The following UPP2 variants were observed in gnomAD, a reference collection of about 807,000 sequenced individuals.
The protein encoded by UPP2 is UPase 2.
A neutral mutation model predicts 26.7 loss-of-function variants in UPP2; 23 were observed. That is an observed-to-expected ratio of 0.86 (90% CI 0.62 to 1.22). UPP2 has a LOEUF of 1.22. UPP2 is among the 50% of genes most tolerant of loss of function. UPP2 has a pLI of 0.00. For missense variants in UPP2, 387 were observed against 396.7 expected, an observed-to-expected ratio of 0.98 and a Z score of 0.21; for synonymous variants, 127 against 141.3, an observed-to-expected ratio of 0.90 and a Z score of 0.72.
At chr2:158,080,934 GTATTT>G (rs1477540002) in intron 3 of UPP2, among the ~76,000 whole-genome samples, 1 of 152,078 alleles carries the variant, frequency 6.6e-6, no homozygotes, top group Admixed American at 6.6e-5. Context: ...CCACGTTGCA[GTATTT>G]TAAAAGTATT....
rs188367167 is a variant in UPP2 at position 158,078,540 on chromosome 2, A to T, written c.148-23500A>T. On this transcript the variant is annotated intron_variant, in intron 3 of 9. Transcript: ENST00000605860. ...GAAATAAGCCAGGCACAGAAAGACA[A>T]ACATCACACTTCACTTATTTGTGGG... is the stretch of plus-strand genomic sequence containing the variant. 1.4e-3 allele frequency among the ~76,000 whole-genome samples: 211 copies of T among 152,296 alleles called. 1 individual carries two copies. The highest frequency in any genetic ancestry group is 4.8e-3 in the African/African-American group (199 of 41,574).
intron 3 of UPP2, among the ~76,000 whole-genome samples, chr2:158,051,932 C>T (rs188824445): frequency 5.3e-4 from 81 of 152,312 alleles, no homozygotes; most frequent in Middle Eastern, 3.4e-3. Flanking sequence ...GCTGGCCTGG[C>T]ACACATATCC....
At chr2:158,039,260 C>T (rs935842029) in intron 3 of UPP2, among the ~76,000 whole-genome samples, 2 of 152,168 alleles carry the variant, frequency 1.3e-5, no homozygotes, top group African/African-American at 2.4e-5. Context: ...GGGCTTTCAA[C>T]TAAAAGTCAG....
intron 2 of UPP2, 26 bp downstream of exon 2, chr2:158,106,242 A>G (rs1158753423): frequency 1.3e-6 from 2 of 1,591,594 alleles, no homozygotes; most frequent in Non-Finnish European, 1.7e-6. Context: ...ATTTCAGGAA[A>G]AATGATTGAG....
At chr2:158,020,988 C>A (rs76376448) in intron 3 of UPP2, among the ~76,000 whole-genome samples, 2,893 of 152,282 alleles carry the variant, frequency 0.019, 89 homozygotes, top group African/African-American at 0.066. Context: ...ATCGAGGGGA[C>A]AGCTGCTGCT....
At chr2:158,082,619 T>A (rs545926616) in intron 3 of UPP2, among the ~76,000 whole-genome samples, 26 of 152,260 alleles carry the variant, frequency 1.7e-4, no homozygotes, top group African/African-American at 6.3e-4. Context: ...GAAGAAAACC[T>A]AAGCAATACC....
chr2:158,023,229 T>TGG (rs768472964), intron 3 of UPP2, among the ~76,000 whole-genome samples: 1 of 34,104 alleles, frequency 2.9e-5, no homozygotes, highest in African/African-American at 5.4e-5. Context: ...TTGCTGTCAG[T>TGG]TGGGGGGGGG....
At position 158,101,895 on chromosome 2, in the gene UPP2, T is replaced by C; in HGVS notation, c.-169T>C. On this transcript the variant is annotated 5_prime_UTR_variant, in exon 1 of 7. Coordinates refer to ENST00000005756, the MANE Select transcript of UPP2 (RefSeq NM_173355.4). ...TATTTGATAGGAAAATTTAAAATGC[T>C]AAAGGAAAAATTTTCTTAGCAATTT... 1 of 1,351,812 alleles carries C rather than the reference T, an allele frequency of 7.4e-7. No individual in the cohort carries two copies. The allele number at this position is 1,351,812 out of a possible 1,614,324, so 83.7% of individuals were successfully genotyped here.
chr2:158,000,697 A>T lies in UPP2; in HGVS notation c.61+5438A>T, dbSNP rs545736602. ...ATTGGCCTGTTAGAGTCACATGTCC[A>T]TTACTGAGCCAAGCATTGTGCATGG... On this transcript the variant is annotated intron_variant, in intron 2 of 9. Coordinates refer to the UPP2 transcript ENST00000605860. 2.6e-5 allele frequency among the ~76,000 whole-genome samples: 4 copies of T among 152,368 alleles called. No individual in the cohort carries two copies. In the South Asian group the frequency reaches 8.3e-4, roughly 32 times the overall value.
chr2:158,129,946 T>C (rs907025217), intron 6 of UPP2, among the ~76,000 whole-genome samples: 4 of 152,058 alleles, frequency 2.6e-5, no homozygotes, highest in African/African-American at 9.7e-5. Context: ...TATGGGTTTT[T>C]ATTGTTGTGG....
At chr2:158,010,097 C>G (rs1683552574) in intron 2 of UPP2, among the ~76,000 whole-genome samples, 1 of 152,080 alleles carries the variant, frequency 6.6e-6, no homozygotes, top group African/African-American at 2.4e-5. Flanking sequence ...ACATAGAAGT[C>G]TGTAAATAAA....
At chr2:158,008,973 T>C (rs1192756694) in intron 2 of UPP2, among the ~76,000 whole-genome samples, 2 of 152,156 alleles carry the variant, frequency 1.3e-5, no homozygotes, top group East Asian at 1.9e-4. Flanking sequence ...ATAAAAGTGC[T>C]TTTTCTCCCC....
At chr2:157,998,714 A>G (rs1683361118) in intron 2 of UPP2, among the ~76,000 whole-genome samples, 1 of 152,156 alleles carries the variant, frequency 6.6e-6, no homozygotes, top group Admixed American at 6.5e-5. Flanking sequence ...TAGGCAGGAG[A>G]ATCACTTGAA....
intron 3 of UPP2, among the ~76,000 whole-genome samples, chr2:158,054,232 T>C (rs1682208169): frequency 2.6e-5 from 4 of 152,098 alleles, no homozygotes; most frequent in Admixed American, 1.3e-4. Flanking sequence ...CACTCCAGCC[T>C]GGGTGACAGA....
At chr2:158,126,242 A>G (rs1288280131) in intron 6 of UPP2, among the ~76,000 whole-genome samples, 1 of 152,042 alleles carries the variant, frequency 6.6e-6, no homozygotes, top group Non-Finnish European at 1.5e-5. Context: ...TCTTCTCTAC[A>G]TTTCTGTAGT....
At chr2:158,037,389 G>C (rs1199624080) in intron 3 of UPP2, among the ~76,000 whole-genome samples, 1 of 151,858 alleles carries the variant, frequency 6.6e-6, no homozygotes, top group Non-Finnish European at 1.5e-5. Context: ...AAAGAAAAAA[G>C]AAAAAAATCC....
chr2:158,080,615 A>G (rs1682707798), intron 3 of UPP2, among the ~76,000 whole-genome samples: 2 of 152,194 alleles, frequency 1.3e-5, no homozygotes, highest in African/African-American at 4.8e-5. Context: ...CTCCCTTCCA[A>G]CTTATTGAAG....
chr2:158,106,219 A>G lies in UPP2; in HGVS notation c.180+3A>G, dbSNP rs77830412. On this transcript the variant is annotated splice_donor_region_variant and intron_variant, in intron 2 of 6. Coordinates refer to ENST00000005756, the MANE Select transcript of UPP2 (RefSeq NM_173355.4). ...CAGCAATGTTTGGAGATGTAAAGGT[A>G]AAAACATTTCTAATTTCAGGAAAAA... The G allele has an allele frequency of 3.4e-5, 54 of 1,597,214 alleles. No homozygotes were observed. The East Asian group carries it at 1.1e-3, about 34-fold the overall frequency.
chr2:158,127,756 T>G (rs532244039), intron 6 of UPP2, among the ~76,000 whole-genome samples: 44 of 152,356 alleles, frequency 2.9e-4, no homozygotes, highest in African/African-American at 1.0e-3. Context: ...GTTGCTATCC[T>G]GATCTCATTA....
Sources: gnomAD v4.1 joint callset for allele counts (sites outside exome capture counted in the v4.1 genomes callset) on GRCh38, gnomAD v4.1.1 for gene constraint, MANE v1.5 for transcripts, NCBI Gene and HGNC (gene_info 2026-07-23, HGNC 2026-07-21) for gene names.